ERN1: variants seen among roughly 807,000 people sequenced by gnomAD.
ERN1 encodes the protein endoplasmic reticulum to nucleus signaling 1.
A neutral mutation model predicts 113.1 loss-of-function variants in ERN1; 39 were observed. That is an observed-to-expected ratio of 0.34 (90% CI 0.27 to 0.45). The LOEUF (loss-of-function observed/expected upper bound fraction) is 0.45, where lower values mean the gene tolerates loss of function less well. Among genes scored for constraint, ERN1 ranks in the 20% least tolerant of loss-of-function variants. The pLI is 1.00. For synonymous variants in ERN1, 507 were observed against 515.9 expected (o/e 0.98, Z 0.23); for missense variants, 976 against 1,274.8 (o/e 0.77, Z 3.57).
Position 64,098,159 on chromosome 17 carries a change from C to T in ERN1, c.137G>A (p.Ser46Asn). 6.2e-7 allele frequency: 1 copy of T among 1,614,022 alleles called. No homozygotes were observed. Among genetic ancestry groups the T allele is most frequent in the African/African-American group, 1.3e-5 (1 of 75,046 alleles). ...STLDGSLHAV[S>N]KRTGSIKWTL... is the part of the protein sequence containing the mutation. ...CCATTTGATTGAGCCTGTCCTCTTG[C>T]TGACAGCATGCAAACTTCCATCCAG... is the stretch of plus-strand genomic sequence containing the variant. Residue 46 changes from serine (S) to asparagine (N), a missense_variant, in exon 2 of 22, where the codon AGC becomes AAC. Transcript: ENST00000433197.
chr17:64,045,031 G>A (rs1234695577), intron 20 of ERN1, 104 bp from the exon 21 acceptor site: 1 of 879,158 alleles, frequency 1.1e-6, no homozygotes, highest in East Asian at 2.6e-5. Flanking sequence ...TGGACTGAAA[G>A]GTGAGGTCAC....
intron 18 of ERN1, among the ~76,000 whole-genome samples, chr17:64,048,441 A>G (rs986851818): frequency 2.0e-4 from 31 of 152,330 alleles, no homozygotes; most frequent in Admixed American, 1.6e-3. Context: ...ATCCCTGTAT[A>G]ATGGGAATAT....
intron 4 of ERN1, among the ~76,000 whole-genome samples, chr17:64,077,915 T>C (rs1011655856): frequency 1.3e-5 from 2 of 152,022 alleles, no homozygotes; most frequent in African/African-American, 4.8e-5. Flanking sequence ...CTGGCTAATT[T>C]TTTGTATTTT....
intron 1 of ERN1, among the ~76,000 whole-genome samples, chr17:64,124,882 C>T (rs71377726): frequency 6.6e-6 from 1 of 152,178 alleles, no homozygotes; most frequent in Non-Finnish European, 1.5e-5. Context: ...CAAAAGACCA[C>T]ATAATGTATG....
chr17:64,078,027 C>A (rs763168292), intron 4 of ERN1, among the ~76,000 whole-genome samples: 1 of 152,164 alleles, frequency 6.6e-6, no homozygotes, highest in Non-Finnish European at 1.5e-5. Flanking sequence ...GCCACCGCAC[C>A]CAGCCACAAA....
At chr17:64,085,564 T>G (rs571968704) in intron 2 of ERN1, among the ~76,000 whole-genome samples, 1 of 152,282 alleles carries the variant, frequency 6.6e-6, no homozygotes, top group East Asian at 1.9e-4. Context: ...ACATGAGGTT[T>G]GGAGGGTCAA....
intron 6 of ERN1, among the ~76,000 whole-genome samples, chr17:64,070,147 G>A (rs940627491): frequency 4.6e-5 from 7 of 152,122 alleles, no homozygotes; most frequent in Admixed American, 2.6e-4. Flanking sequence ...GAGGGAGCCC[G>A]CTGCCATATC....
intron 4 of ERN1, 146 bp from the exon 5 acceptor site, chr17:64,075,393 AAGG>A (rs1913561576): frequency 1.5e-6 from 1 of 668,404 alleles, no homozygotes; most frequent in Admixed American, 3.4e-5. Flanking sequence ...ACTGAATACA[AAGG>A]AGAAGGGGGC....
intron 1 of ERN1, among the ~76,000 whole-genome samples, chr17:64,127,670 C>T (rs1197335561): frequency 2.0e-5 from 3 of 151,230 alleles, no homozygotes; most frequent in Admixed American, 2.0e-4. Flanking sequence ...AGGAGAATCG[C>T]TTGAACCCGG....
chr17:64,124,415 G>A (rs1027416185), intron 1 of ERN1, among the ~76,000 whole-genome samples: 6 of 152,178 alleles, frequency 3.9e-5, no homozygotes, highest in Non-Finnish European at 8.8e-5. Context: ...TCATCTTGTA[G>A]CTCCCACTAT....
At chr17:64,122,906 C>T (rs945439349) in intron 1 of ERN1, among the ~76,000 whole-genome samples, 7 of 151,984 alleles carry the variant, frequency 4.6e-5, no homozygotes, top group East Asian at 1.9e-4. Flanking sequence ...CGTAAATTCA[C>T]GCCAAAGGGT....
At chr17:64,122,308 G>C (rs1914975590) in intron 1 of ERN1, among the ~76,000 whole-genome samples, 1 of 152,106 alleles carries the variant, frequency 6.6e-6, no homozygotes, top group Non-Finnish European at 1.5e-5. Context: ...GCCTGAGAGA[G>C]GGTGCCCCAA....
At chr17:64,058,696 C>A (rs1912957645) in intron 11 of ERN1, among the ~76,000 whole-genome samples, 1 of 152,124 alleles carries the variant, frequency 6.6e-6, no homozygotes. Flanking sequence ...ATCTAGTATT[C>A]TAGGTATGCC....
At chr17:64,117,754 G>A (rs1297605995) in intron 1 of ERN1, among the ~76,000 whole-genome samples, 5 of 152,266 alleles carry the variant, frequency 3.3e-5, no homozygotes, top group African/African-American at 4.8e-5. Context: ...ACCACACCAC[G>A]GTGTGTGGCA....
chr17:64,100,393 C>G (rs1049482069), intron 1 of ERN1, among the ~76,000 whole-genome samples: 1 of 152,120 alleles, frequency 6.6e-6, no homozygotes, highest in Admixed American at 6.5e-5. Flanking sequence ...TCCTCCACCC[C>G]CCAAAGTTAC....
intron 1 of ERN1, among the ~76,000 whole-genome samples, chr17:64,115,215 C>G (rs951956604): frequency 6.6e-6 from 1 of 152,188 alleles, no homozygotes; most frequent in African/African-American, 2.4e-5. Flanking sequence ...AGTAGGCTGG[C>G]AAGGACTTCA....
intron 1 of ERN1, among the ~76,000 whole-genome samples, chr17:64,102,385 G>T (rs189406437): frequency 1.3e-5 from 2 of 152,262 alleles, no homozygotes; most frequent in East Asian, 3.9e-4. Flanking sequence ...TGGCAACTGA[G>T]AATTCTGTCA....
At chr17:64,052,641 A>G in intron 17 of ERN1, 139 bp downstream of exon 17, 1 of 679,338 alleles carries the variant, frequency 1.5e-6, no homozygotes, top group South Asian at 2.6e-5. Context: ...GAATGTTCAC[A>G]CAGAAGCTCT....
intron 1 of ERN1, among the ~76,000 whole-genome samples, chr17:64,110,396 TATA>T (rs1914641096): frequency 6.6e-6 from 1 of 152,218 alleles, no homozygotes; most frequent in South Asian, 2.1e-4. Context: ...TTTTCAAGTA[TATA>T]ATATGTTGTT....
Sources: gnomAD v4.1 joint callset for allele counts (sites outside exome capture counted in the v4.1 genomes callset) on GRCh38, gnomAD v4.1.1 for gene constraint, MANE v1.5 for transcripts, NCBI Gene and HGNC (gene_info 2026-07-23, HGNC 2026-07-21) for gene names.